The following LMO7 variants were observed in gnomAD, a reference collection of about 807,000 sequenced individuals.
The protein encoded by LMO7 is LIM domain only protein 7.
In LMO7, 120 loss-of-function variants were observed where a neutral mutation model predicts 206.5. The observed-to-expected ratio is 0.58, with a 90% CI of 0.50 to 0.68. The LOEUF (loss-of-function observed/expected upper bound fraction) is 0.68, where lower values mean the gene tolerates loss of function less well. LMO7 is among the 30% of genes least tolerant of loss of function. LMO7 has a pLI of 0.00. For missense variants in LMO7, 1,959 were observed against 1,957.9 expected, an observed-to-expected ratio of 1.00 and a Z score of -0.01; for synonymous variants, 706 against 681.5, an observed-to-expected ratio of 1.04 and a Z score of -0.56.
At chr13:75,848,185 T>C (rs1416501120) in intron 26 of LMO7, among the ~76,000 whole-genome samples, 3 of 152,176 alleles carry the variant, frequency 2.0e-5, no homozygotes, top group Non-Finnish European at 2.9e-5. Flanking sequence ...TACACTGAGC[T>C]GAATTTGTAG....
At chr13:75,657,332 T>A (rs1035524743) in intron 1 of LMO7, among the ~76,000 whole-genome samples, 12 of 152,216 alleles carry the variant, frequency 7.9e-5, no homozygotes, top group Admixed American at 7.2e-4. Flanking sequence ...CCCTAGGACA[T>A]ACCAGCAAAC....
chr13:75,712,943 A>G (rs2043235172), intron 1 of LMO7, among the ~76,000 whole-genome samples: 1 of 152,068 alleles, frequency 6.6e-6, no homozygotes, highest in African/African-American at 2.4e-5. Flanking sequence ...TATTACTGAA[A>G]ACACTCATTG....
intron 2 of LMO7, among the ~76,000 whole-genome samples, chr13:75,626,595 A>ATATATATATATATATATTTTTTTT: frequency 1.4e-5 from 1 of 71,182 alleles, no homozygotes. Flanking sequence ...ATATATATAA[A>ATATATATATATATATATTTTTTTT]TTTTTTTGAG....
chr13:75,798,032 A>G (rs2054256845), intron 6 of LMO7, among the ~76,000 whole-genome samples: 1 of 152,136 alleles, frequency 6.6e-6, no homozygotes. Flanking sequence ...GCACAGGGAG[A>G]GCCTTGATTT....
Position 75,713,248 on chromosome 13 carries a change from TGTGA to T in LMO7, c.139_140+2del, listed in dbSNP as rs768368909. On this transcript the variant is annotated frameshift_variant and splice_region_variant, in exon 2 of 31. Transcript: ENST00000377534. LOFTEE classifies it high-confidence loss of function. ...CTCTCTAGAAAATGGTGTTCTGCTG[TGTGA>T]GTAAGTATTTAAAGTATTTAAAAAA... 43 of 1,604,084 alleles carry T rather than the reference TGTGA, an allele frequency of 2.7e-5. No individual in the cohort carries two copies. The highest frequency in any genetic ancestry group is 4.4e-5 in the South Asian group (4 of 90,306).
intron 3 of LMO7, among the ~76,000 whole-genome samples, chr13:75,738,307 G>C (rs1007942036): frequency 6.6e-6 from 1 of 152,108 alleles, no homozygotes; most frequent in Admixed American, 6.5e-5. Context: ...ATTTAGCTTC[G>C]GTGTCAGGGC....
chr13:75,726,260 G>GA (rs1256284376), intron 2 of LMO7, among the ~76,000 whole-genome samples: 1 of 151,852 alleles, frequency 6.6e-6, no homozygotes, highest in Admixed American at 6.6e-5. Context: ...AACAAATCAA[G>GA]AAAAAAGAAT....
At chr13:75,717,731 C>T (rs1594487894) in intron 2 of LMO7, among the ~76,000 whole-genome samples, 1 of 152,252 alleles carries the variant, frequency 6.6e-6, no homozygotes, top group Non-Finnish European at 1.5e-5. Flanking sequence ...AGATCTCCAC[C>T]CACACATGGA....
chr13:75,730,418 A>G (rs1566361468), intron 3 of LMO7, among the ~76,000 whole-genome samples: 1 of 152,104 alleles, frequency 6.6e-6, no homozygotes. Flanking sequence ...ATTTGCGTAG[A>G]GGGTTTTGTA....
At chr13:75,815,667 T>C (rs1402630411) in intron 11 of LMO7, among the ~76,000 whole-genome samples, 3 of 152,176 alleles carry the variant, frequency 2.0e-5, no homozygotes, top group Admixed American at 2.0e-4. Context: ...TTAGGAAAGA[T>C]GTTTGTTGAA....
chr13:75,811,213 T>C (rs1240039868), intron 11 of LMO7, among the ~76,000 whole-genome samples: 4 of 150,014 alleles, frequency 2.7e-5, no homozygotes, highest in East Asian at 1.9e-4. Context: ...TTTCTCTTTT[T>C]TTTTTTTTTT....
At chr13:75,742,933 G>T (rs1412373569) in intron 3 of LMO7, among the ~76,000 whole-genome samples, 1 of 152,236 alleles carries the variant, frequency 6.6e-6, no homozygotes, top group East Asian at 1.9e-4. Flanking sequence ...AGAGTAAACA[G>T]ACAACCTACA....
intron 2 of LMO7, among the ~76,000 whole-genome samples, chr13:75,625,638 G>T (rs1371360755): frequency 6.6e-6 from 1 of 152,192 alleles, no homozygotes; most frequent in Admixed American, 6.5e-5. Flanking sequence ...GTTTGGAGTA[G>T]TTTGGCTTCA....
chr13:75,669,217 C>T (rs2039330772), intron 1 of LMO7, among the ~76,000 whole-genome samples: 1 of 152,098 alleles, frequency 6.6e-6, no homozygotes, highest in Admixed American at 6.6e-5. Flanking sequence ...GATTATGTTT[C>T]AGAGAGTTTC....
At chr13:75,771,208 T>G (rs934463245) in intron 4 of LMO7, among the ~76,000 whole-genome samples, 4 of 152,092 alleles carry the variant, frequency 2.6e-5, no homozygotes, top group African/African-American at 9.7e-5. Flanking sequence ...CTCAGATCAT[T>G]TATTTGATTT....
intron 1 of LMO7, among the ~76,000 whole-genome samples, chr13:75,696,478 C>G (rs925074518): frequency 2.0e-5 from 3 of 152,048 alleles, no homozygotes; most frequent in Non-Finnish European, 2.9e-5. Context: ...CCTTAGATAC[C>G]CATTCAAAAA....
intron 1 of LMO7, among the ~76,000 whole-genome samples, chr13:75,677,837 T>C (rs9573609): frequency 0.42 from 57,246 of 136,276 alleles, 12,687 homozygotes; most frequent in Middle Eastern, 0.55. Context: ...GTTCCCCTTC[T>C]TGTGTCCATG....
At chr13:75,690,613 T>A (rs976147530) in intron 1 of LMO7, among the ~76,000 whole-genome samples, 5 of 152,208 alleles carry the variant, frequency 3.3e-5, no homozygotes, top group Admixed American at 3.3e-4. Flanking sequence ...GGGTCTCTGG[T>A]AAGACTACTC....
chr13:75,714,691 G>A (rs1434465731), intron 2 of LMO7, among the ~76,000 whole-genome samples: 1 of 152,186 alleles, frequency 6.6e-6, no homozygotes, highest in African/African-American at 2.4e-5. Context: ...TTGACAATGA[G>A]TCAAATAGTG....
Sources: gnomAD v4.1 joint callset for allele counts (sites outside exome capture counted in the v4.1 genomes callset) on GRCh38, gnomAD v4.1.1 for gene constraint, MANE v1.5 for transcripts, NCBI Gene and HGNC (gene_info 2026-07-23, HGNC 2026-07-21) for gene names.